The following PKD1L3 variants were observed in gnomAD, a reference collection of about 807,000 sequenced individuals.
PKD1L3 encodes the protein polycystin 1 like 3, transient receptor potential channel interacting, also known as polycystin-1-like protein 3.
Under a neutral mutation model 184.1 loss-of-function variants are expected in PKD1L3, and 239 were observed. The ratio of observed to expected loss-of-function variants is 1.30; its 90% CI spans 1.17 to 1.45. PKD1L3 has a LOEUF of 1.45. Ranked by LOEUF, PKD1L3 falls within the 40% of genes most tolerant of loss-of-function variation. The pLI, the probability that PKD1L3 is intolerant of heterozygous loss-of-function variation, is 0.00. For synonymous variants in PKD1L3, 996 were observed against 778.8 expected (o/e 1.28, Z -4.64); for missense variants, 2,660 against 2,067.2 (o/e 1.29, Z -5.56).
intron 17 of PKD1L3, among the ~76,000 whole-genome samples, chr16:71,953,370 ACTAT>A (rs1429301077): frequency 8.5e-6 from 1 of 117,560 alleles, no homozygotes; most frequent in Non-Finnish European, 1.9e-5. Flanking sequence ...GCTATAAAGA[ACTAT>A]CTGAGACTGG....
intron 28 of PKD1L3, among the ~76,000 whole-genome samples, 200 bp downstream of exon 28, chr16:71,933,220 G>GA (rs2038049916): frequency 6.6e-6 from 1 of 152,124 alleles, no homozygotes; most frequent in Non-Finnish European, 1.5e-5. Flanking sequence ...GAGTGCTTAG[G>GA]AAAGGGCAGG....
intron 11 of PKD1L3, among the ~76,000 whole-genome samples, chr16:71,975,957 C>T (rs866977469): frequency 0.066 from 1,617 of 24,328 alleles, 26 homozygotes; most frequent in African/African-American, 0.23. Flanking sequence ...TGTTTCTGTT[C>T]TTTTTTTTTT....
rs531726590 is a variant in PKD1L3 at position 71,987,130 on chromosome 16, G to A, written c.586-661C>T. The stretch of plus-strand genomic sequence containing the variant: ...AGTAGAGATGGGGTTTCACCATGTT[G>A]GCCAGGATGGTCTCGATCTCCTGAC... On this transcript the variant is annotated intron_variant, in intron 4 of 29. Transcript: ENST00000620267. 2.9e-4 allele frequency among the ~76,000 whole-genome samples: 44 copies of A among 150,980 alleles called. No homozygotes were observed. In the South Asian group the frequency reaches 6.5e-3, roughly 22 times the overall value.
chr16:71,997,925 C>T (rs151057743), intron 2 of PKD1L3, among the ~76,000 whole-genome samples: 1 of 152,282 alleles, frequency 6.6e-6, no homozygotes, highest in East Asian at 1.9e-4. Flanking sequence ...ATTCTCTTCT[C>T]CTCCTTCTCT....
intron 4 of PKD1L3, among the ~76,000 whole-genome samples, chr16:71,988,501 C>T (rs933190613): frequency 3.3e-5 from 5 of 152,132 alleles, no homozygotes; most frequent in African/African-American, 4.8e-5. Context: ...AGCCAGCAAA[C>T]GTGAAAGTTC....
chr16:71,986,641 A>G (rs139605170), intron 4 of PKD1L3, among the ~76,000 whole-genome samples, 172 bp from the exon 5 acceptor site: 6 of 152,332 alleles, frequency 3.9e-5, no homozygotes, highest in Non-Finnish European at 8.8e-5. Context: ...AGAAATCTGC[A>G]TATTACTTGA....
chr16:71,986,234 T>G lies in PKD1L3; in HGVS notation c.821A>C (p.Lys274Thr). The G allele has an allele frequency of 6.4e-7, 1 of 1,552,334 alleles. No homozygotes were observed. Among genetic ancestry groups the G allele is most frequent in the Non-Finnish European group, 8.7e-7 (1 of 1,147,108 alleles). The part of the protein sequence containing the change: ...FTSYLQVSLQ[K>T]ASGQVIDEIA... ...TCCCATGTTTACCTGACCAGATGCC[T>G]TCTGCAATGACACTTGTAGATAAGA... The change falls in exon 5 of 30, where the codon AAG becomes ACG. Residue 274 changes from lysine (K) to threonine (T), a missense_variant. Coordinates refer to ENST00000620267, the MANE Select transcript of PKD1L3 (RefSeq NM_181536.2).
At chr16:71,971,542 C>CA (rs775674936) in intron 12 of PKD1L3, among the ~76,000 whole-genome samples, 2 of 152,164 alleles carry the variant, frequency 1.3e-5, no homozygotes, top group South Asian at 2.1e-4. Context: ...CAGCGTGCTT[C>CA]AAGGAGGTGG....
intron 4 of PKD1L3, among the ~76,000 whole-genome samples, chr16:71,986,690 T>C (rs937041346): frequency 6.6e-6 from 1 of 152,166 alleles, no homozygotes; most frequent in Admixed American, 6.5e-5. Flanking sequence ...TGTCAATCGT[T>C]CAATAAATTC....
chr16:71,935,590 T>C (rs2143145161), intron 25 of PKD1L3, 72 bp from the exon 26 acceptor site: 1 of 1,410,896 alleles, frequency 7.1e-7, no homozygotes, highest in South Asian at 1.4e-5. Context: ...TCAAGTGTGA[T>C]GAACGCAGCT....
Position 71,976,270 on chromosome 16 carries a change from T to TTTTTTTTTTTTTTTTTTTTTTG in PKD1L3, c.1759+965_1759+966insCAAAAAAAAAAAAAAAAAAAAA, listed in dbSNP as rs2039919664. Among the ~76,000 whole-genome samples, 2 of 140,474 alleles carry TTTTTTTTTTTTTTTTTTTTTTG rather than the reference T, an allele frequency of 1.4e-5. 1 individual carries two copies. The allele number at this position is 140,474 out of a possible 152,430, so 92.2% of individuals were successfully genotyped here. Reference sequence around the variant, plus strand: ...CACTGAGTGCCCAGCCTGTCTTTTTTTTTTTTTTTTAAGACAGTCTTGCTC... The same window carrying TTTTTTTTTTTTTTTTTTTTTTG: ...CACTGAGTGCCCAGCCTGTCTTTTTTTTTTTTTTTTTTTTTTTTTTTGTTTTTTTTTTAAGACAGTCTTGCTC... On this transcript the variant is annotated intron_variant, in intron 11 of 29. Transcript: ENST00000620267.
intron 23 of PKD1L3, among the ~76,000 whole-genome samples, chr16:71,943,353 A>T (rs2038428834): frequency 6.6e-6 from 1 of 151,866 alleles, no homozygotes; most frequent in South Asian, 2.1e-4. Flanking sequence ...CCTGACCAAC[A>T]TAGTAAAACC....
rs756765612 is a variant in PKD1L3, at chr16:71,986,140, T to C, written c.834+81A>G. On this transcript the variant is annotated intron_variant, in intron 5 of 29. Transcript: ENST00000620267. ...GTCTGTCAGGCATTCTTAGGTGTAG[T>C]TCTGCAGGGAGGCAAATGGGTGAAC... The C allele has an allele frequency of 6.1e-6, 9 of 1,484,864 alleles. No individual in the cohort carries two copies. The East Asian group carries it at 2.0e-4, about 33-fold the overall frequency. 92.0% of individuals were successfully genotyped at this position (1,484,864 alleles called of 1,614,324 possible).
At chr16:71,993,556 G>A (rs1004458222) in intron 2 of PKD1L3, among the ~76,000 whole-genome samples, 1 of 152,160 alleles carries the variant, frequency 6.6e-6, no homozygotes, top group African/African-American at 2.4e-5. Flanking sequence ...TCAACACTGA[G>A]AAGTTCATTA....
intron 4 of PKD1L3, among the ~76,000 whole-genome samples, chr16:71,987,759 G>A (rs2040430012): frequency 1.3e-5 from 2 of 152,132 alleles, no homozygotes; most frequent in South Asian, 2.1e-4. Flanking sequence ...CTGCCTCGGA[G>A]TCCCAGAGTG....
At chr16:71,969,676 AG>A (rs2039636395) in intron 13 of PKD1L3, among the ~76,000 whole-genome samples, 198 bp downstream of exon 13, 1 of 148,774 alleles carries the variant, frequency 6.7e-6, no homozygotes, top group African/African-American at 2.4e-5. Context: ...TTGGAACCAA[AG>A]GAAAAAAAAA....
intron 22 of PKD1L3, among the ~76,000 whole-genome samples, chr16:71,944,743 A>C (rs1453807465): frequency 4.5e-5 from 5 of 112,174 alleles, no homozygotes; most frequent in Non-Finnish European, 9.0e-5. Context: ...TTCGTTGTCG[A>C]GGCTGGAGTG....
In PKD1L3 at chr16:71,974,472, G is replaced by C. The variant is rs569103929; in HGVS notation, c.1760-955C>G. Among the ~76,000 whole-genome samples the C allele has an allele frequency of 9.2e-5, 14 of 152,278 alleles. No homozygotes were observed. The South Asian group carries it at 2.7e-3, about 29-fold the overall frequency. ...AGGCAGGAGGATTATTTGAGCCCAG[G>C]AGTTTGAGACCTAGCTTGGCGAACA... On this transcript the variant is annotated intron_variant, in intron 11 of 29. Coordinates refer to ENST00000620267, the MANE Select transcript of PKD1L3 (RefSeq NM_181536.2).
intron 2 of PKD1L3, among the ~76,000 whole-genome samples, chr16:71,996,100 C>T (rs1314126366): frequency 2.0e-5 from 3 of 151,504 alleles, no homozygotes; most frequent in East Asian, 1.9e-4. Context: ...ATTCACATGC[C>T]GATGTAAGAG....
Sources: gnomAD v4.1 joint callset for allele counts (sites outside exome capture counted in the v4.1 genomes callset) on GRCh38, gnomAD v4.1.1 for gene constraint, MANE v1.5 for transcripts, NCBI Gene and HGNC (gene_info 2026-07-23, HGNC 2026-07-21) for gene names.